Variants in PRCC observed in about 807,000 individuals in gnomAD.
PRCC encodes the protein proline rich mitotic checkpoint control factor.
A neutral mutation model predicts 44.0 loss-of-function variants in PRCC; 10 were observed. The ratio of observed to expected loss-of-function variants is 0.23; its 90% CI spans 0.14 to 0.39. The LOEUF (loss-of-function observed/expected upper bound fraction) is 0.39, where lower values mean the gene tolerates loss of function less well. Ranked by LOEUF, PRCC falls within the 10% of genes least tolerant of loss-of-function variation. PRCC has a pLI of 1.00. For synonymous variants in PRCC, 278 were observed against 259.5 expected (o/e 1.07, Z -0.69); for missense variants, 573 against 624.7 (o/e 0.92, Z 0.88).
chr1:156,791,265 A>G (rs1007435503), intron 3 of PRCC: 5 of 816,322 alleles, frequency 6.1e-6, no homozygotes, highest in Non-Finnish European at 7.6e-6. Context: ...CCAAACTAGA[A>G]TGAGGAGCAG....
intron 5 of PRCC, 69 bp downstream of exon 5, chr1:156,794,877 G>C (rs537742789): frequency 1.9e-6 from 3 of 1,583,522 alleles, no homozygotes; most frequent in Admixed American, 3.4e-5. Context: ...CTTACTCCCC[G>C]TCTTGACCCC....
At chr1:156,768,342 T>A in intron 1 of PRCC, 103 bp downstream of exon 1, 1 of 1,218,608 alleles carries the variant, frequency 8.2e-7, no homozygotes, top group Non-Finnish European at 1.2e-6. Flanking sequence ...AACGCATCCG[T>A]GGATTCAAGG....
intron 3 of PRCC, among the ~76,000 whole-genome samples, chr1:156,788,915 C>T (rs1026999925): frequency 6.6e-6 from 1 of 151,864 alleles, no homozygotes; most frequent in Non-Finnish European, 1.5e-5. Flanking sequence ...ATCTGCCCAC[C>T]TGGGCCTCCC....
chr1:156,784,048 G>A (rs1252645646), intron 2 of PRCC, among the ~76,000 whole-genome samples: 3 of 151,606 alleles, frequency 2.0e-5, no homozygotes, highest in Non-Finnish European at 4.4e-5. Context: ...CTGGGTTCAC[G>A]CCATTCTCCT....
intron 2 of PRCC, among the ~76,000 whole-genome samples, chr1:156,785,381 G>T (rs1454328841): frequency 1.3e-5 from 2 of 151,990 alleles, no homozygotes; most frequent in African/African-American, 4.8e-5. Context: ...ATGCGTGGTG[G>T]TGAGCACCTA....
chr1:156,789,923 G>A (rs1652416676), intron 3 of PRCC, among the ~76,000 whole-genome samples: 1 of 152,220 alleles, frequency 6.6e-6, no homozygotes, highest in Non-Finnish European at 1.5e-5. Context: ...TAAAAGTATA[G>A]AATGCCAGGT....
intron 1 of PRCC, among the ~76,000 whole-genome samples, chr1:156,770,744 C>T (rs1299441368): frequency 2.0e-5 from 3 of 152,254 alleles, no homozygotes; most frequent in Non-Finnish European, 4.4e-5. Flanking sequence ...CTATGTCTTA[C>T]ACTTAGGCTC....
chr1:156,779,959 C>T (rs1221208459), intron 1 of PRCC, among the ~76,000 whole-genome samples: 3 of 151,722 alleles, frequency 2.0e-5, no homozygotes, highest in African/African-American at 7.3e-5. Context: ...GGCACAATCT[C>T]AGCTCACTGC....
At chr1:156,769,509 G>T (rs1651545079) in intron 1 of PRCC, among the ~76,000 whole-genome samples, 1 of 152,118 alleles carries the variant, frequency 6.6e-6, no homozygotes, top group African/African-American at 2.4e-5. Context: ...GTGAGTGAAA[G>T]AACTCCAATA....
intron 1 of PRCC, among the ~76,000 whole-genome samples, chr1:156,776,326 C>G (rs11264547): frequency 0.2 from 29,760 of 152,186 alleles, 3,438 homozygotes; most frequent in Non-Finnish European, 0.26. Flanking sequence ...GCTGTAATTG[C>G]GCCACTCTAC....
chr1:156,782,445 G>A, intron 2 of PRCC, 116 bp downstream of exon 2: 1 of 881,284 alleles, frequency 1.1e-6, no homozygotes, highest in Non-Finnish European at 1.7e-6. Context: ...AGATATTTGA[G>A]GACTATTTAG....
At chr1:156,780,725 T>A (rs1442775029) in intron 1 of PRCC, among the ~76,000 whole-genome samples, 2 of 152,134 alleles carry the variant, frequency 1.3e-5, no homozygotes, top group African/African-American at 2.4e-5. Flanking sequence ...TTATACTGCC[T>A]TTTATTTTTA....
intron 1 of PRCC, among the ~76,000 whole-genome samples, chr1:156,769,412 G>A (rs903071466): frequency 6.6e-6 from 1 of 151,798 alleles, no homozygotes; most frequent in African/African-American, 2.4e-5. Flanking sequence ...ACTCCATGAA[G>A]GCAGGGATTA....
Position 156,794,672 on chromosome 1 carries a change from G to A in PRCC, c.1187G>A (p.Arg396Gln). 1 of 1,614,056 alleles carries A rather than the reference G, an allele frequency of 6.2e-7. No individual in the cohort carries two copies. The highest frequency in any genetic ancestry group is 8.5e-7 in the Non-Finnish European group (1 of 1,179,994). The change falls in exon 5 of 7, where the codon CGG (arginine) becomes CAG (glutamine). Residue 396 changes from arginine to glutamine, a missense_variant. By Grantham distance (43) the Arg-to-Gln change is conservative. Transcript: ENST00000271526. ...CATTTTTTTCTTTTCCAGTTTAAGCGGCTGCAGGGCAAGAGGAACCGAGGG... is the reference window on the plus strand; with the variant it reads ...CATTTTTTTCTTTTCCAGTTTAAGCAGCTGCAGGGCAAGAGGAACCGAGGG... ...ASFIDDEAFK[R>Q]LQGKRNRGRE...
chr1:156,773,539 C>T (rs748293578), intron 1 of PRCC, among the ~76,000 whole-genome samples: 7 of 152,078 alleles, frequency 4.6e-5, no homozygotes, highest in East Asian at 1.9e-4. Flanking sequence ...TATTGTGGCC[C>T]GGGACACTCT....
Position 156,767,977 on chromosome 1 carries a change from C to G in PRCC, c.206C>G (p.Pro69Arg), listed in dbSNP as rs1327168387. The change falls in exon 1 of 7, where the codon CCC becomes CGC. Residue 69 changes from proline (P) to arginine (R), a missense_variant. Physicochemically the swap from Pro to Arg is moderately radical, Grantham distance 103. Coordinates refer to ENST00000271526, the MANE Select transcript of PRCC (RefSeq NM_005973.5). ...APAFPPPLLL[P>R]PPTGDPRLQP... Reference sequence around the variant, plus strand: ...GCCTTTCCCCCGCCGCTGTTGCTTCCCCCACCCACCGGAGACCCCAGGCTT... The same window carrying G: ...GCCTTTCCCCCGCCGCTGTTGCTTCGCCCACCCACCGGAGACCCCAGGCTT... The G allele has an allele frequency of 6.3e-7, 1 of 1,581,078 alleles. No homozygotes were observed. Among genetic ancestry groups the G allele is most frequent in the Non-Finnish European group, 8.6e-7 (1 of 1,162,976 alleles).
intron 1 of PRCC, among the ~76,000 whole-genome samples, chr1:156,774,145 T>G (rs1182053124): frequency 1.3e-5 from 2 of 149,700 alleles, no homozygotes; most frequent in East Asian, 3.9e-4. Context: ...TTTCTTTCTT[T>G]TTTTGAGTCA....
chr1:156,797,951 T>C (rs181196324), intron 6 of PRCC, among the ~76,000 whole-genome samples: 30 of 152,226 alleles, frequency 2.0e-4, no homozygotes, highest in East Asian at 3.9e-4. Flanking sequence ...ATTTTTTTTT[T>C]CCCTTTTTGG....
At chr1:156,795,395 C>T (rs1652632133) in intron 5 of PRCC, among the ~76,000 whole-genome samples, 1 of 146,070 alleles carries the variant, frequency 6.8e-6, no homozygotes, top group Non-Finnish European at 1.5e-5. Context: ...TCAAGTGATC[C>T]TCACACCTCA....
Sources: allele counts gnomAD v4.1 joint callset (sites outside exome capture counted in the v4.1 genomes callset), GRCh38; gene constraint gnomAD v4.1.1; transcripts MANE v1.5; gene names NCBI Gene and HGNC (gene_info 2026-07-23, HGNC 2026-07-21).